RPL37: variants seen among roughly 807,000 people sequenced by gnomAD.
RPL37 encodes large ribosomal subunit protein eL37.
RPL37 carries 1 observed loss-of-function variant against 14.8 expected under a neutral mutation model. That is an observed-to-expected ratio of 0.07 (90% CI 0.02 to 0.32). RPL37 has a LOEUF of 0.32. RPL37 is among the 10% of genes least tolerant of loss of function. The pLI is 1.00. For synonymous variants in RPL37, 53 were observed against 45.8 expected (o/e 1.16, Z -0.63); for missense variants, 100 against 128.3 (o/e 0.78, Z 1.06).
At position 40,830,971 on chromosome 5, in the gene RPL37, G is replaced by C. The variant is rs1295971358; in HGVS notation, c.*1533C>G. On this transcript the variant is annotated 3_prime_UTR_variant, in exon 4 of 4. Transcript: ENST00000274242. ...TTGAAAATTTGATGATGACAGCCGG[G>C]AGTGGTGGCTCACGCCTGTAATCCT... 1 of 152,000 alleles carries C rather than the reference G, an allele frequency of 6.6e-6. No homozygotes were observed. Among genetic ancestry groups the C allele is most frequent in the Non-Finnish European group, 1.5e-5 (1 of 68,032 alleles). 9.4% of individuals were successfully genotyped at this position (152,000 alleles called of 1,614,324 possible).
intron 3 of RPL37, 98 bp downstream of exon 3, chr5:40,834,083 C>T (rs144036263): frequency 2.3e-6 from 2 of 854,926 alleles, no homozygotes; most frequent in African/African-American, 3.4e-5. Context: ...ACATCTCATC[C>T]CCAGTAACCA....
rs773638507 is a variant in RPL37 at position 40,832,760 on chromosome 5, T to C, written c.225-187A>G. 3 of 721,958 alleles carry C rather than the reference T, an allele frequency of 4.2e-6. No homozygotes were observed. The Admixed American group carries it at 5.4e-5, about 13-fold the overall frequency. The allele number at this position is 721,958 out of a possible 1,614,324, so 44.7% of individuals were successfully genotyped here. A position where few individuals can be genotyped will look rare whatever the true frequency, so the allele number is the denominator to read the frequency against. On this transcript the variant is annotated intron_variant, in intron 3 of 3. Coordinates refer to ENST00000274242, the MANE Select transcript of RPL37 (RefSeq NM_000997.5). The stretch of plus-strand genomic sequence containing the variant: ...TGAAATTCTTCACTTTGCTTAAAGA[T>C]ACCCATTTTCGGATATAGTTAACTG...
chr5:40,828,300 T>C lies in RPL37; in HGVS notation c.*4204A>G, dbSNP rs1008878741. ...CTTACACACTTATCACTATCTGCAATTGTCTATTATGTCACCTTCCACAAA... is the reference window on the plus strand; with the variant it reads ...CTTACACACTTATCACTATCTGCAACTGTCTATTATGTCACCTTCCACAAA... On this transcript the variant is annotated 3_prime_UTR_variant, in exon 4 of 4. Coordinates refer to ENST00000274242, the MANE Select transcript of RPL37 (RefSeq NM_000997.5). 4.6e-5 allele frequency: 7 copies of C among 152,210 alleles called. No homozygotes were observed. Among genetic ancestry groups the C allele is most frequent in the African/African-American group, 1.4e-4 (6 of 41,450 alleles). 9.4% of individuals were successfully genotyped at this position (152,210 alleles called of 1,614,324 possible).
At position 40,835,057 on chromosome 5, in the gene RPL37, C is replaced by T. The variant is rs1361294421; in HGVS notation, c.3+126G>A. On this transcript the variant is annotated intron_variant, in intron 1 of 3. Coordinates refer to ENST00000274242, the MANE Select transcript of RPL37 (RefSeq NM_000997.5). ...TTCTTCTGGCTCTTGAGGGCCACCG[C>T]ATGCCTCTTTCCAGCCCACCAGTTC... The T allele has an allele frequency of 3.8e-6, 5 of 1,318,952 alleles. No homozygotes were observed. In the Admixed American group the frequency reaches 9.2e-5, roughly 24 times the overall value. 81.7% of individuals were successfully genotyped at this position (1,318,952 alleles called of 1,614,324 possible).
Position 40,827,976 on chromosome 5 carries a change from C to T in RPL37, c.*4528G>A, listed in dbSNP as rs1346027075. ...CCTTTGTTTAAAAAAAAATAAAACA[C>T]CTAAATATAATCCAAATGTGCTAAT... On this transcript the variant is annotated 3_prime_UTR_variant, in exon 4 of 4. Coordinates refer to ENST00000274242, the MANE Select transcript of RPL37 (RefSeq NM_000997.5). 2 of 152,016 alleles carry T rather than the reference C, an allele frequency of 1.3e-5. No homozygotes were observed. Among genetic ancestry groups the T allele is most frequent in the African/African-American group, 2.4e-5 (1 of 41,380 alleles). 9.4% of individuals were successfully genotyped at this position (152,016 alleles called of 1,614,324 possible).
At chr5:40,835,006 G>A in intron 1 of RPL37, 177 bp downstream of exon 1, 1 of 802,338 alleles carries the variant, frequency 1.2e-6, no homozygotes, top group Non-Finnish European at 2.0e-6. Flanking sequence ...GGCGGGATAG[G>A]TCCCCCAGGC....
At chr5:40,834,895 A>C in intron 1 of RPL37, 1 of 609,810 alleles carries the variant, frequency 1.6e-6, no homozygotes, top group Middle Eastern at 3.8e-4. Context: ...AAACATTCCC[A>C]AACTCCTTCC....
chr5:40,835,092 G>A (rs551456771), intron 1 of RPL37, 91 bp downstream of exon 1: 3 of 1,574,152 alleles, frequency 1.9e-6, no homozygotes, highest in South Asian at 1.1e-5. Context: ...CCCCTTATCC[G>A]GAATCTTGCC....
In RPL37 at chr5:40,830,275, T is replaced by C. The variant is rs1470206608; in HGVS notation, c.*2229A>G. On this transcript the variant is annotated 3_prime_UTR_variant, in exon 4 of 4. Transcript: ENST00000274242. ...TATAATGGGTATCTATACATAACTA[T>C]AACTTAAGGCAGGACTGAAGTGCTG... The C allele has an allele frequency of 6.6e-6, 1 of 152,160 alleles. No individual in the cohort carries two copies. The highest frequency in any genetic ancestry group is 1.5e-5 in the Non-Finnish European group (1 of 68,044). The allele number at this position is 152,160 out of a possible 1,614,324, so 9.4% of individuals were successfully genotyped here.
chr5:40,835,032 T>G (rs960829510), intron 1 of RPL37, 151 bp downstream of exon 1: 1 of 1,010,570 alleles, frequency 9.9e-7, no homozygotes, highest in Non-Finnish European at 1.5e-6. Context: ...TTAGCAGTCA[T>G]TCTTCTGGCT....
Position 40,830,402 on chromosome 5 carries a change from T to G in RPL37, c.*2102A>C, listed in dbSNP as rs1293814313. On this transcript the variant is annotated 3_prime_UTR_variant, in exon 4 of 4. Transcript: ENST00000274242. ...TGAGAGGATCACTTGAAACCAGGAGTCCAAGACCAGCCTGGGCAACATAGT... is the reference window on the plus strand; with the variant it reads ...TGAGAGGATCACTTGAAACCAGGAGGCCAAGACCAGCCTGGGCAACATAGT... The G allele has an allele frequency of 6.6e-6, 1 of 151,448 alleles. No homozygotes were observed. Among genetic ancestry groups the G allele is most frequent in the Non-Finnish European group, 1.5e-5 (1 of 67,910 alleles). The allele number at this position is 151,448 out of a possible 1,614,324, so 9.4% of individuals were successfully genotyped here.
chr5:40,834,481 G>T lies in RPL37; in HGVS notation c.129C>A (p.Arg43=), dbSNP rs931481571. 6.2e-7 allele frequency: 1 copy of T among 1,612,852 alleles called. No individual in the cohort carries two copies. Among genetic ancestry groups the T allele is most frequent in the Non-Finnish European group, 8.5e-7 (1 of 1,179,794 alleles). Residue 43 remains arginine, a synonymous_variant, in exon 2 of 4, where the codon CGC becomes CGA. Transcript: ENST00000274242. ...TCGKCGYPAK[R]KRKYNWSAKA... ...AAAAATGTTACTTACACTTTCTCTT[G>T]CGCTTGGCAGGGTAGCCACATTTGC... is the stretch of plus-strand genomic sequence containing the variant.
Position 40,829,657 on chromosome 5 carries a change from CAT to C in RPL37, c.*2845_*2846del, listed in dbSNP as rs1416467169. The C allele has an allele frequency of 1.7e-5, 2 of 120,184 alleles. No individual in the cohort carries two copies. Among genetic ancestry groups the C allele is most frequent in the Non-Finnish European group, 3.4e-5 (2 of 58,800 alleles). The allele number at this position is 120,184 out of a possible 1,614,324, so 7.4% of individuals were successfully genotyped here. Reference sequence around the variant, plus strand: ...CACAGAAACTCATGCATTTATCCATCATAGTGTGTGTGTGTGTGTGTATATAT... The same window carrying C: ...CACAGAAACTCATGCATTTATCCATCAGTGTGTGTGTGTGTGTGTATATAT... On this transcript the variant is annotated 3_prime_UTR_variant, in exon 4 of 4. Transcript: ENST00000274242.
In RPL37 at chr5:40,834,705, G is replaced by GT. The variant is rs549009629; in HGVS notation, c.4-100dup. 3.8e-4 allele frequency: 524 copies of GT among 1,373,440 alleles called. 3 individuals carry two copies. In the Admixed American group the frequency reaches 7.0e-3, roughly 18 times the overall value. The allele number at this position is 1,373,440 out of a possible 1,614,324, so 85.1% of individuals were successfully genotyped here. ...TTACTGATAAAATTTAAAGGCAATC[G>GT]TAAAGATCGAAACTGCGGGAGAAGC... On this transcript the variant is annotated intron_variant, in intron 1 of 3. Coordinates refer to ENST00000274242, the MANE Select transcript of RPL37 (RefSeq NM_000997.5).
In RPL37 at chr5:40,828,517, T is replaced by TAG. The variant is rs1745567827; in HGVS notation, c.*3985_*3986dup. 1 of 152,212 alleles carries TAG rather than the reference T, an allele frequency of 6.6e-6. No individual in the cohort carries two copies. Among genetic ancestry groups the TAG allele is most frequent in the African/African-American group, 2.4e-5 (1 of 41,456 alleles). The allele number at this position is 152,212 out of a possible 1,614,324, so 9.4% of individuals were successfully genotyped here. On this transcript the variant is annotated 3_prime_UTR_variant, in exon 4 of 4. Transcript: ENST00000274242. ...GAATAGGTAAACTTCCAAAAGTATC[T>TAG]AGTGTTGTCTTTTAAACTAAACTCC...
At position 40,834,312 on chromosome 5, in the gene RPL37, A is replaced by G. The variant is rs758185531; in HGVS notation, c.140-47T>C. On this transcript the variant is annotated intron_variant, in intron 2 of 3. Transcript: ENST00000274242. Reference sequence around the variant, plus strand: ...GATTTCAAACGGTGTTCTCCCACACACCTTGTAGGTGTTGTTAACACACGA... The same window carrying G: ...GATTTCAAACGGTGTTCTCCCACACGCCTTGTAGGTGTTGTTAACACACGA... The G allele has an allele frequency of 3.8e-6, 6 of 1,583,798 alleles. No individual in the cohort carries two copies. The South Asian group carries it at 6.6e-5, about 18-fold the overall frequency.
At chr5:40,834,106 T>C (rs767566665) in intron 3 of RPL37, 75 bp downstream of exon 3, 2 of 1,042,216 alleles carry the variant, frequency 1.9e-6, no homozygotes, top group East Asian at 2.4e-5. Context: ...AGGGTACTGT[T>C]ATCTTTTTAC....
At chr5:40,835,103 A>C in intron 1 of RPL37, 80 bp downstream of exon 1, 1 of 1,594,444 alleles carries the variant, frequency 6.3e-7, no homozygotes, top group Non-Finnish European at 8.6e-7. Context: ...GAATCTTGCC[A>C]GCCCCCCAAG....
chr5:40,830,138 AGAGTT>A lies in RPL37; in HGVS notation c.*2361_*2365del, dbSNP rs1352043981. 1 of 152,172 alleles carries A rather than the reference AGAGTT, an allele frequency of 6.6e-6. No homozygotes were observed. The highest frequency in any genetic ancestry group is 1.9e-4 in the East Asian group (1 of 5,204). 9.4% of individuals were successfully genotyped at this position (152,172 alleles called of 1,614,324 possible). On this transcript the variant is annotated 3_prime_UTR_variant, in exon 4 of 4. Transcript: ENST00000274242. ...GAGGGAGGCTTTTCAGGCAGAGGAC[AGAGTT>A]GAAAAGCAGATGGGGTACTTAGGAA...
Sources: gnomAD v4.1 joint callset for allele counts on GRCh38, gnomAD v4.1.1 for gene constraint, MANE v1.5 for transcripts, NCBI Gene and HGNC (gene_info 2026-07-23, HGNC 2026-07-21) for gene names.